The following MACROD2 variants were observed in gnomAD, a reference collection of about 807,000 sequenced individuals.
The protein encoded by MACROD2 is ADP-ribose glycohydrolase MACROD2.
Under a neutral mutation model 70.4 loss-of-function variants are expected in MACROD2, and 36 were observed. The ratio of observed to expected loss-of-function variants is 0.51; its 90% CI spans 0.39 to 0.68. MACROD2 has a LOEUF of 0.68. MACROD2 is among the 30% of genes least tolerant of loss of function. The pLI is 0.00. For missense variants in MACROD2, 496 were observed against 538.4 expected (o/e 0.92, Z 0.78); for synonymous variants, 172 against 178.8 (o/e 0.96, Z 0.30).
intron 5 of MACROD2, among the ~76,000 whole-genome samples, chr20:15,058,869 G>A (rs6079646): frequency 0.18 from 26,946 of 152,044 alleles, 2,850 homozygotes; most frequent in East Asian, 0.35. Flanking sequence ...CAACTAGAGC[G>A]TCAACTTATA....
rs200402869 is a variant in MACROD2, at chr20:15,167,026, GA to G, written c.419-62909del. Among the ~76,000 whole-genome samples the G allele has an allele frequency of 2.0e-4, 30 of 151,022 alleles. No individual in the cohort carries two copies. The East Asian group carries it at 4.7e-3, about 23-fold the overall frequency. ...TAAATTTAAGTATTTAAATTTAGGG[GA>G]AAAATACTAAAATTATTCTCTGATG... On this transcript the variant is annotated intron_variant, in intron 5 of 17. Coordinates refer to ENST00000684519, the MANE Select transcript of MACROD2 (RefSeq NM_001351661.2).
In MACROD2 at chr20:14,835,044, A is replaced by G. The variant is rs148380704; in HGVS notation, c.418+150085A>G. On this transcript the variant is annotated intron_variant, in intron 5 of 17. Transcript: ENST00000684519. Reference sequence around the variant, plus strand: ...TTCATCAAAGCTGACTCTCCCCTTTATGTGGTATAGTAGAACTGAATGGAA... The same window carrying G: ...TTCATCAAAGCTGACTCTCCCCTTTGTGTGGTATAGTAGAACTGAATGGAA... 2.6e-3 allele frequency among the ~76,000 whole-genome samples: 394 copies of G among 152,098 alleles called. 1 individual carries two copies. Among genetic ancestry groups the G allele is most frequent in the African/African-American group, 9.3e-3 (384 of 41,506 alleles).
At chr20:14,902,215 G>A (rs1477858745) in intron 5 of MACROD2, among the ~76,000 whole-genome samples, 2 of 152,152 alleles carry the variant, frequency 1.3e-5, no homozygotes, top group Non-Finnish European at 2.9e-5. Context: ...TTTTCCTGAA[G>A]CAGCCATAGC....
At chr20:15,345,160 G>C (rs2078151724) in intron 6 of MACROD2, among the ~76,000 whole-genome samples, 1 of 152,164 alleles carries the variant, frequency 6.6e-6, no homozygotes, top group African/African-American at 2.4e-5. Context: ...ACCGCCGAAA[G>C]GGCCCGCCTT....
chr20:14,703,620 G>A (rs1313827531), intron 5 of MACROD2, among the ~76,000 whole-genome samples: 1 of 152,196 alleles, frequency 6.6e-6, no homozygotes, highest in Non-Finnish European at 1.5e-5. Flanking sequence ...GAGGCTTGAG[G>A]CCAGGAGTTC....
At chr20:15,773,112 C>G (rs987278979) in intron 8 of MACROD2, among the ~76,000 whole-genome samples, 1 of 152,088 alleles carries the variant, frequency 6.6e-6, no homozygotes, top group African/African-American at 2.4e-5. Flanking sequence ...CAGGAGGTTG[C>G]TATTATCCTT....
intron 4 of MACROD2, among the ~76,000 whole-genome samples, chr20:14,518,029 C>T (rs1040792218): frequency 6.6e-6 from 1 of 151,906 alleles, no homozygotes; most frequent in Non-Finnish European, 1.5e-5. Context: ...AATCATTTGT[C>T]AGTTTACAAT....
At chr20:15,039,054 T>C (rs1160775583) in intron 5 of MACROD2, among the ~76,000 whole-genome samples, 4 of 152,116 alleles carry the variant, frequency 2.6e-5, no homozygotes, top group Admixed American at 6.6e-5. Flanking sequence ...AAGGACCTAA[T>C]AGGAGAAAAG....
intron 4 of MACROD2, among the ~76,000 whole-genome samples, chr20:14,592,904 A>T (rs939956356): frequency 6.6e-6 from 1 of 152,190 alleles, no homozygotes; most frequent in Admixed American, 6.5e-5. Flanking sequence ...ATCCTAAAAC[A>T]TTACTGAGAT....
chr20:15,920,472 A>G (rs2065387106), intron 10 of MACROD2, among the ~76,000 whole-genome samples: 1 of 152,232 alleles, frequency 6.6e-6, no homozygotes, highest in Non-Finnish European at 1.5e-5. Flanking sequence ...AATCTTATAC[A>G]AAATTTCTAG....
intron 12 of MACROD2, 49 bp from the exon 13 acceptor site, chr20:15,967,504 G>T (rs765885223): frequency 1.7e-5 from 25 of 1,475,080 alleles, no homozygotes; most frequent in Non-Finnish European, 2.2e-5. Flanking sequence ...AAGCTGCTCT[G>T]TTTCCAAGTT....
At chr20:14,146,460 G>C (rs2054944858) in intron 3 of MACROD2, among the ~76,000 whole-genome samples, 1 of 152,166 alleles carries the variant, frequency 6.6e-6, no homozygotes, top group Non-Finnish European at 1.5e-5. Context: ...TGCTTGTGTG[G>C]ATCAGGTTTC....
intron 6 of MACROD2, among the ~76,000 whole-genome samples, chr20:15,241,523 T>C (rs2077059347): frequency 1.3e-5 from 2 of 152,100 alleles, no homozygotes; most frequent in Admixed American, 1.3e-4. Context: ...TATGAAATAG[T>C]AATAATATAA....
intron 3 of MACROD2, among the ~76,000 whole-genome samples, chr20:14,419,288 AG>A (rs1200852472): frequency 6.6e-6 from 1 of 152,204 alleles, no homozygotes; most frequent in African/African-American, 2.4e-5. Flanking sequence ...TCCTGACCTC[AG>A]GTGATCCGCC....
intron 3 of MACROD2, among the ~76,000 whole-genome samples, chr20:14,411,325 G>A (rs901037101): frequency 1.3e-5 from 2 of 152,028 alleles, no homozygotes; most frequent in Admixed American, 6.6e-5. Context: ...ATAAGGGTTA[G>A]GGAGTAGTTA....
chr20:14,096,818 A>G (rs948193785), intron 3 of MACROD2, among the ~76,000 whole-genome samples: 2 of 152,190 alleles, frequency 1.3e-5, no homozygotes, highest in African/African-American at 4.8e-5. Flanking sequence ...AGATGCATCT[A>G]CTAATCTTTG....
At chr20:14,966,683 A>C (rs921235821) in intron 5 of MACROD2, among the ~76,000 whole-genome samples, 2 of 152,194 alleles carry the variant, frequency 1.3e-5, no homozygotes, top group Non-Finnish European at 2.9e-5. Flanking sequence ...CTTGAACTTC[A>C]TGTAAATAGA....
At chr20:14,524,473 T>C (rs1293227416) in intron 4 of MACROD2, among the ~76,000 whole-genome samples, 1 of 152,178 alleles carries the variant, frequency 6.6e-6, no homozygotes, top group Admixed American at 6.5e-5. Flanking sequence ...GAAGACTTTC[T>C]TTTCTAACTT....
chr20:14,465,328 G>A (rs2084430919), intron 3 of MACROD2, among the ~76,000 whole-genome samples: 1 of 152,038 alleles, frequency 6.6e-6, no homozygotes, highest in Non-Finnish European at 1.5e-5. Flanking sequence ...TTGGTTTAAA[G>A]TCTGTTTTGT....
Sources: gnomAD v4.1 joint callset for allele counts (sites outside exome capture counted in the v4.1 genomes callset) on GRCh38, gnomAD v4.1.1 for gene constraint, MANE v1.5 for transcripts, NCBI Gene and HGNC (gene_info 2026-07-23, HGNC 2026-07-21) for gene names.